The following PBX1 variants were observed in gnomAD, a reference collection of about 807,000 sequenced individuals.
PBX1 encodes the protein PBX homeobox 1, also known as pre-B-cell leukemia transcription factor 1.
PBX1 carries 6 observed loss-of-function variants against 53.4 expected under a neutral mutation model. The observed-to-expected ratio is 0.11, with a 90% confidence interval of 0.06 to 0.22. The LOEUF is 0.22. PBX1 is among the 10% of genes least tolerant of loss of function. The pLI is 1.00. For synonymous variants in PBX1, 204 were observed against 212.3 expected (o/e 0.96, Z 0.34); for missense variants, 251 against 551.4 (o/e 0.46, Z 5.46).
chr1:164,852,242 C>T (rs765970689), downstream of PBX1, among the ~76,000 whole-genome samples: 2 of 152,090 alleles, frequency 1.3e-5, no homozygotes, highest in Admixed American at 6.5e-5. Context: ...TTGTGGTTCC[C>T]AAGAGATATT....
Position 164,849,145 on chromosome 1 carries a change from A to G in PBX1, c.*2469A>G. The G allele has an allele frequency of 7.2e-7, 1 of 1,389,028 alleles. No individual in the cohort carries two copies. Among genetic ancestry groups the G allele is most frequent in the Non-Finnish European group, 9.3e-7 (1 of 1,071,808 alleles). The allele number at this position is 1,389,028 out of a possible 1,614,324, so 86.0% of individuals were successfully genotyped here. A position where few individuals can be genotyped will look rare whatever the true frequency, so the allele number is the denominator to read the frequency against. On this transcript the variant is annotated 3_prime_UTR_variant, in exon 9 of 9. Coordinates refer to ENST00000420696, the MANE Select transcript of PBX1 (RefSeq NM_002585.4). Reference sequence around the variant, plus strand: ...TTAGGGCAAAGTACGAAAGAGAGACAAAAGGGTTCTCTTGGAAACAAGAAG... The same window carrying G: ...TTAGGGCAAAGTACGAAAGAGAGACGAAAGGGTTCTCTTGGAAACAAGAAG...
At chr1:164,563,656 G>C (rs1030222953) in intron 2 of PBX1, among the ~76,000 whole-genome samples, 9 of 152,072 alleles carry the variant, frequency 5.9e-5, no homozygotes, top group Admixed American at 5.9e-4. Flanking sequence ...AATATATTTT[G>C]GCCCATTTTT....
rs201436794 is a variant in PBX1, at chr1:164,788,639, TA to T, written c.266-3848del. On this transcript the variant is annotated intron_variant, in intron 2 of 8. Transcript: ENST00000420696. The stretch of plus-strand genomic sequence containing the variant: ...GTTTTCCCTTGTTCATATTGTTCCT[TA>T]AAAAAATTTTTTTTGGGTTTTTGCA... Among the ~76,000 whole-genome samples, 423 of 152,262 alleles carry T rather than the reference TA, an allele frequency of 2.8e-3. 9 individuals carry two copies. The East Asian group carries it at 0.062, about 22-fold the overall frequency.
At chr1:164,721,019 G>T (rs1209828033) in intron 2 of PBX1, among the ~76,000 whole-genome samples, 1 of 152,180 alleles carries the variant, frequency 6.6e-6, no homozygotes, top group East Asian at 1.9e-4. Context: ...GATATCTTTG[G>T]TAGGCATCAT....
rs915788244 is a variant in PBX1 at position 164,849,698 on chromosome 1, C to T, written c.*3022C>T. 1.2e-5 allele frequency: 4 copies of T among 346,796 alleles called. No individual in the cohort carries two copies. The highest frequency in any genetic ancestry group is 2.1e-5 in the Non-Finnish European group (4 of 189,444). 21.5% of individuals were successfully genotyped at this position (346,796 alleles called of 1,614,324 possible). ...TCCTCCCTCTGGCATGGAATTGACG[C>T]CCGTGCAGTACATTTGCCAAGTGGC... On this transcript the variant is annotated 3_prime_UTR_variant, in exon 9 of 9. Transcript: ENST00000420696.
intron 2 of PBX1, among the ~76,000 whole-genome samples, chr1:164,662,729 T>G (rs568742757): frequency 6.6e-6 from 1 of 152,280 alleles, no homozygotes; most frequent in Admixed American, 6.5e-5. Flanking sequence ...TTCCCGTAAT[T>G]GCCTAGAGTT....
intron 2 of PBX1, among the ~76,000 whole-genome samples, chr1:164,571,351 C>T (rs1653839214): frequency 6.6e-6 from 1 of 152,106 alleles, no homozygotes; most frequent in Admixed American, 6.5e-5. Context: ...CCATATTTCC[C>T]CCTTCACCTA....
intron 2 of PBX1, among the ~76,000 whole-genome samples, chr1:164,678,163 G>C (rs564928298): frequency 6.6e-6 from 1 of 152,112 alleles, no homozygotes; most frequent in East Asian, 1.9e-4. Context: ...TGTTTACTGC[G>C]CATGTATCCA....
In PBX1 at chr1:164,807,572, G is replaced by T. The variant is rs190363555; in HGVS notation, c.732G>T (p.Ala244=). 2 of 1,613,634 alleles carry T rather than the reference G, an allele frequency of 1.2e-6. No homozygotes were observed. Among genetic ancestry groups the T allele is most frequent in the Non-Finnish European group, 1.7e-6 (2 of 1,179,770 alleles). The part of the protein sequence containing the change: ...RRKRRNFNKQ[A]TEILNEYFYS... ...AGAGACGGAATTTCAACAAGCAAGC[G>T]ACAGAAATCCTGAATGAATATTTCT... Residue 244 remains alanine (A), a synonymous_variant, in exon 5 of 9, where the codon GCG becomes GCT. Transcript: ENST00000420696.
chr1:164,632,013 G>C (rs914956723), intron 2 of PBX1, among the ~76,000 whole-genome samples: 23 of 152,206 alleles, frequency 1.5e-4, no homozygotes, highest in African/African-American at 5.5e-4. Flanking sequence ...ACTGGCATAA[G>C]CCACAAATCA....
At chr1:164,775,511 C>A (rs752197151) in intron 2 of PBX1, among the ~76,000 whole-genome samples, 15 of 152,136 alleles carry the variant, frequency 9.9e-5, no homozygotes, top group Non-Finnish European at 2.1e-4. Context: ...AGCCTTGAAA[C>A]CACCTTTGCC....
intron 2 of PBX1, among the ~76,000 whole-genome samples, chr1:164,675,058 T>C (rs1006219313): frequency 1.6e-4 from 24 of 152,118 alleles, no homozygotes; most frequent in Non-Finnish European, 3.1e-4. Context: ...ATAAGGAAAC[T>C]GAGCTTTAGA....
intron 2 of PBX1, chr1:164,683,108 G>A (rs1270481925): frequency 6.6e-6 from 1 of 152,232 alleles, no homozygotes; most frequent in African/African-American, 2.4e-5. Flanking sequence ...CTGCTGATAT[G>A]TATTAGTAAG....
At position 164,773,243 on chromosome 1, in the gene PBX1, G is replaced by GCACACACACACACACACACA. The variant is rs60518864; in HGVS notation, c.266-19240_266-19221dup. On this transcript the variant is annotated intron_variant, in intron 2 of 8. Coordinates refer to ENST00000420696, the MANE Select transcript of PBX1 (RefSeq NM_002585.4). ...CAGCTCTTGCATATAGGTAACACGC[G>GCACACACACACACACACACA]CACACACACACACACACACACACAC... 2.4e-3 allele frequency among the ~76,000 whole-genome samples: 348 copies of GCACACACACACACACACACA among 147,756 alleles called. 2 individuals carry two copies. The highest frequency in any genetic ancestry group is 0.014 in the Middle Eastern group (4 of 290).
chr1:164,672,190 T>G (rs968876331), intron 2 of PBX1, among the ~76,000 whole-genome samples: 2 of 152,032 alleles, frequency 1.3e-5, no homozygotes, highest in African/African-American at 2.4e-5. Flanking sequence ...TACTCATGGG[T>G]GTAAACACAC....
intron 2 of PBX1, among the ~76,000 whole-genome samples, chr1:164,575,221 CTGGCCCTCACCT>C (rs1654138150): frequency 6.6e-6 from 1 of 152,228 alleles, no homozygotes; most frequent in South Asian, 2.1e-4. Flanking sequence ...GGAAAGGAGT[CTGGCCCTCACCT>C]TGGAATGGTG....
intron 7 of PBX1, 44 bp downstream of exon 7, chr1:164,820,228 C>A: frequency 9.3e-7 from 1 of 1,069,904 alleles, no homozygotes; most frequent in Non-Finnish European, 1.5e-6. Flanking sequence ...GCCTTAGAGT[C>A]CAAGAGCCCT....
intron 4 of PBX1, among the ~76,000 whole-genome samples, 162 bp downstream of exon 4, chr1:164,800,051 A>ACACAGTAC: frequency 6.6e-6 from 1 of 152,286 alleles, no homozygotes; most frequent in African/African-American, 2.4e-5. Flanking sequence ...CATCGGTTTC[A>ACACAGTAC]CACAGTACCA....
In PBX1 at chr1:164,568,914, G is replaced by A. The variant is rs1359706963; in HGVS notation, c.265+5603G>A. ...ATGATGGCAGAATAAGGTCAATAGT[G>A]TCTTACCCGAAGGTCTTCTTACCTC... On this transcript the variant is annotated intron_variant, in intron 2 of 8. Coordinates refer to ENST00000420696, the MANE Select transcript of PBX1 (RefSeq NM_002585.4). 7.9e-5 allele frequency among the ~76,000 whole-genome samples: 12 copies of A among 152,184 alleles called. 1 individual carries two copies. Among genetic ancestry groups the A allele is most frequent in the Admixed American group, 7.9e-4 (12 of 15,278 alleles).
Sources: gnomAD v4.1 joint callset for allele counts (sites outside exome capture counted in the v4.1 genomes callset) on GRCh38, gnomAD v4.1.1 for gene constraint, MANE v1.5 for transcripts, NCBI Gene and HGNC (gene_info 2026-07-23, HGNC 2026-07-21) for gene names.